Variants in SUOX observed in about 807,000 individuals in gnomAD.
The protein encoded by SUOX is sulfite oxidase.
SUOX carries 39 observed loss-of-function variants against 41.9 expected under a neutral mutation model. The observed-to-expected ratio is 0.93, with a 90% CI of 0.72 to 1.21. The LOEUF is 1.21. Ranked by LOEUF, SUOX falls within the 50% of genes most tolerant of loss-of-function variation. The probability of loss-of-function intolerance (pLI) is 0.00; values close to 1 mark genes in which losing one functional copy is unlikely to be tolerated. For missense variants in SUOX, 633 were observed against 689.5 expected, an observed-to-expected ratio of 0.92 and a Z score of 0.92; for synonymous variants, 220 against 268.4, an observed-to-expected ratio of 0.82 and a Z score of 1.76.
chr12:56,000,632 A>C (rs1890483483), intron 2 of SUOX, among the ~76,000 whole-genome samples: 1 of 152,190 alleles, frequency 6.6e-6, no homozygotes, highest in Admixed American at 6.5e-5. Flanking sequence ...AAGTGCCGCC[A>C]AAGTGGGAGC....
chr12:56,004,324 C>T lies in SUOX; in HGVS notation c.935C>T (p.Thr312Ile). The T allele has an allele frequency of 6.2e-7, 1 of 1,614,158 alleles. No individual in the cohort carries two copies. The highest frequency in any genetic ancestry group is 8.5e-7 in the Non-Finnish European group (1 of 1,180,024). Residue 312 changes from threonine (T) to isoleucine (I), a missense_variant, in exon 5 of 5, where the codon ACT becomes ATT. Transcript: ENST00000266971. This position sits in a 1 kb window ranked among gnomAD's most constrained non-coding sequence, Gnocchi z 4.5. ...LAQAGHQLCE[T>I]EAHVCFEGLD... The stretch of plus-strand genomic sequence containing the variant: ...CAGGCTGGCCACCAACTCTGTGAAA[C>T]TGAGGCCCACGTCTGCTTTGAGGGA...
intron 2 of SUOX, among the ~76,000 whole-genome samples, chr12:56,001,118 C>CT (rs1234069085): frequency 0.27 from 13,655 of 51,158 alleles, 2,847 homozygotes; most frequent in East Asian, 0.45. Flanking sequence ...GTTAATCTCT[C>CT]TTTTTTTTTT....
chr12:55,997,887 A>T (rs1261089989), intron 2 of SUOX, among the ~76,000 whole-genome samples, 164 bp downstream of exon 2: 3 of 150,470 alleles, frequency 2.0e-5, no homozygotes, highest in East Asian at 2.0e-4. Context: ...ACCCCTCCTC[A>T]CTTTGGCCCT....
chr12:56,003,328 C>A (rs1465505070), intron 4 of SUOX, among the ~76,000 whole-genome samples: 12 of 149,394 alleles, frequency 8.0e-5, no homozygotes, highest in Admixed American at 6.7e-4. Flanking sequence ...ATGGCATGAT[C>A]TCAGCTCACC....
At chr12:56,002,389 G>A in intron 3 of SUOX, 118 bp downstream of exon 3, 12 of 1,503,438 alleles carry the variant, frequency 8.0e-6, no homozygotes, top group Non-Finnish European at 1.0e-5. Flanking sequence ...GGAGGACAGA[G>A]AAAGCCAGAT....
At position 56,003,674 on chromosome 12, in the gene SUOX, C is replaced by G; in HGVS notation, c.285C>G (p.Ser95Arg). The G allele has an allele frequency of 6.2e-7, 1 of 1,613,862 alleles. No homozygotes were observed. Among genetic ancestry groups the G allele is most frequent in the Middle Eastern group, 1.7e-4 (1 of 6,060 alleles). ...AGGAGGAAGTGAGTTCCCACACCAG[C>G]CCTGAGACTGGGATCTGGGTGACTC... is the stretch of plus-strand genomic sequence containing the variant. ...YTKEEVSSHTSPETGIWVTLG... is the reference protein window; with the variant it reads ...YTKEEVSSHTRPETGIWVTLG... Residue 95 changes from serine (S) to arginine (R), a missense_variant, in exon 5 of 5, where the codon AGC becomes AGG. By Grantham distance (110) the Ser-to-Arg change is moderately radical. Coordinates refer to ENST00000266971, the MANE Select transcript of SUOX (RefSeq NM_001032386.2).
chr12:56,004,524 A>T lies in SUOX; in HGVS notation c.1135A>T (p.Lys379Ter). ...VPGVVGARHVKWLGRVSVQPE... is the reference protein window; with the variant it reads ...VPGVVGARHV Reference sequence around the variant, plus strand: ...TGGAGTGGTGGGTGCCCGCCATGTCAAATGGCTGGGCAGAGTGAGTGTGCA... The same window carrying T: ...TGGAGTGGTGGGTGCCCGCCATGTCTAATGGCTGGGCAGAGTGAGTGTGCA... The change falls in exon 5 of 5, where the codon AAA becomes TAA. Residue 379 changes from lysine (K) to a stop codon, truncating the protein, a stop_gained. Transcript: ENST00000266971. LOFTEE classifies it high-confidence loss of function. This position sits in a 1 kb window ranked among gnomAD's most constrained non-coding sequence, Gnocchi z 4.5. 1 of 1,614,148 alleles carries T rather than the reference A, an allele frequency of 6.2e-7. No homozygotes were observed. Among genetic ancestry groups the T allele is most frequent in the Non-Finnish European group, 8.5e-7 (1 of 1,180,026 alleles).
At position 56,002,692 on chromosome 12, in the gene SUOX, T is replaced by G. The variant is rs1234864997; in HGVS notation, c.200T>G (p.Val67Gly). The change falls in exon 4 of 5, where the codon GTG becomes GGG. Residue 67 changes from valine (V) to glycine (G), a missense_variant. Physicochemically the swap from Val to Gly is moderately radical, Grantham distance 109. Transcript: ENST00000266971. ...VMGTLLGLGA[V>G]LAYQDHRCRA... Reference sequence around the variant, plus strand: ...GGGACCCTATTAGGTCTCGGTGCAGTGTTGGCCTATCAGGACCATCGGTGT... The same window carrying G: ...GGGACCCTATTAGGTCTCGGTGCAGGGTTGGCCTATCAGGACCATCGGTGT... The G allele has an allele frequency of 6.2e-7, 1 of 1,614,074 alleles. No individual in the cohort carries two copies. Among genetic ancestry groups the G allele is most frequent in the Admixed American group, 1.7e-5 (1 of 59,996 alleles).
rs1890684814 is a variant in SUOX, at chr12:56,004,832, C to T, written c.1443C>T (p.Arg481=). The T allele has an allele frequency of 6.2e-7, 1 of 1,614,130 alleles. No individual in the cohort carries two copies. Among genetic ancestry groups the T allele is most frequent in the Admixed American group, 1.7e-5 (1 of 60,006 alleles). ...QVAKLDGEEQ[R]PRKAWAWRLW... Reference sequence around the variant, plus strand: ...CTAAGCTGGATGGAGAGGAACAGCGCCCCAGGAAGGCCTGGGCATGGCGTC... The same window carrying T: ...CTAAGCTGGATGGAGAGGAACAGCGTCCCAGGAAGGCCTGGGCATGGCGTC... Residue 481 remains arginine, a synonymous_variant, in exon 5 of 5, where the codon CGC becomes CGT. Coordinates refer to ENST00000266971, the MANE Select transcript of SUOX (RefSeq NM_001032386.2). The surrounding 1 kb of genome is among the most constrained non-coding windows in gnomAD (Gnocchi z 4.5).
At chr12:55,998,096 AT>A (rs1342680542) in intron 2 of SUOX, among the ~76,000 whole-genome samples, 14 of 151,896 alleles carry the variant, frequency 9.2e-5, no homozygotes, top group Non-Finnish European at 1.6e-4. Flanking sequence ...GCTGGGTTCA[AT>A]TTTTTTTAGG....
chr12:56,002,918 T>C, intron 4 of SUOX, 198 bp downstream of exon 4: 1 of 567,648 alleles, frequency 1.8e-6, no homozygotes, highest in South Asian at 2.0e-5. Flanking sequence ...TCTCAGCTAC[T>C]TGAGAGGCTG....
Position 56,003,852 on chromosome 12 carries a change from T to A in SUOX, c.463T>A (p.Tyr155Asn). 6.2e-7 allele frequency: 1 copy of A among 1,614,046 alleles called. No individual in the cohort carries two copies. The highest frequency in any genetic ancestry group is 8.5e-7 in the Non-Finnish European group (1 of 1,180,004). Reference protein sequence around the residue: ...QSHVRELLAQYKIGELNPEDK... With the variant: ...QSHVRELLAQNKIGELNPEDK... ...CCATGTGCGTGAGTTACTGGCTCAG[T>A]ACAAGATTGGGGAGCTGAATCCTGA... The change falls in exon 5 of 5, where the codon TAC becomes AAC. Residue 155 changes from tyrosine (Y) to asparagine (N), a missense_variant. Coordinates refer to ENST00000266971, the MANE Select transcript of SUOX (RefSeq NM_001032386.2).
At chr12:56,003,305 A>G (rs1040427700) in intron 4 of SUOX, among the ~76,000 whole-genome samples, 1 of 146,342 alleles carries the variant, frequency 6.8e-6, no homozygotes, top group African/African-American at 2.5e-5. Flanking sequence ...CTTGTTGCCC[A>G]GGCTGGAGTG....
rs759992645 is a variant in SUOX, at chr12:56,004,526, A to G, written c.1137A>G (p.Lys379=). 21 of 1,614,080 alleles carry G rather than the reference A, an allele frequency of 1.3e-5. No homozygotes were observed. In the South Asian group the frequency reaches 1.8e-4, roughly 14 times the overall value. Residue 379 remains lysine (K), a synonymous_variant, in exon 5 of 5, where the codon AAA becomes AAG. Coordinates refer to ENST00000266971, the MANE Select transcript of SUOX (RefSeq NM_001032386.2). This position sits in a 1 kb window ranked among gnomAD's most constrained non-coding sequence, Gnocchi z 4.5. ...VPGVVGARHV[K]WLGRVSVQPE... ...GAGTGGTGGGTGCCCGCCATGTCAA[A>G]TGGCTGGGCAGAGTGAGTGTGCAGC...
At chr12:56,001,937 G>A (rs1890545372) in intron 2 of SUOX, 2 of 1,322,158 alleles carry the variant, frequency 1.5e-6, no homozygotes, top group Non-Finnish European at 1.9e-6. Context: ...CAGAATGGAA[G>A]ATGGGAGAAA....
At position 56,004,740 on chromosome 12, in the gene SUOX, A is replaced by C; in HGVS notation, c.1351A>C (p.Ser451Arg). 6.2e-7 allele frequency: 1 copy of C among 1,613,958 alleles called. No individual in the cohort carries two copies. Among genetic ancestry groups the C allele is most frequent in the East Asian group, 2.2e-5 (1 of 44,858 alleles). ...GEVTIKGYAW[S>R]GGGRAVIRVD... ...GGTGACCATCAAGGGCTATGCATGGAGTGGTGGTGGCAGGGCTGTGATCCG... is the reference window on the plus strand; with the variant it reads ...GGTGACCATCAAGGGCTATGCATGGCGTGGTGGTGGCAGGGCTGTGATCCG... Residue 451 changes from serine (S) to arginine (R), a missense_variant, in exon 5 of 5, where the codon AGT becomes CGT. Coordinates refer to ENST00000266971, the MANE Select transcript of SUOX (RefSeq NM_001032386.2). This position sits in a 1 kb window ranked among gnomAD's most constrained non-coding sequence, Gnocchi z 4.5.
rs751200577 is a variant in SUOX at position 56,003,906 on chromosome 12, T to C, written c.517T>C (p.Ser173Pro). 1 of 1,614,064 alleles carries C rather than the reference T, an allele frequency of 6.2e-7. No individual in the cohort carries two copies. The highest frequency in any genetic ancestry group is 8.5e-7 in the Non-Finnish European group (1 of 1,180,000). ...EDKVAPTVET[S>P]DPYADDPVRH... ...CAAGGTAGCCCCCACCGTGGAGACC[T>C]CTGACCCTTATGCTGATGATCCTGT... Residue 173 changes from serine (S) to proline (P), a missense_variant, in exon 5 of 5, where the codon TCT (serine) becomes CCT (proline). Ser to Pro is a moderately conservative substitution (Grantham distance 74). Coordinates refer to ENST00000266971, the MANE Select transcript of SUOX (RefSeq NM_001032386.2).
At position 56,002,249 on chromosome 12, in the gene SUOX, C is replaced by G; in HGVS notation, c.28C>G (p.Leu10Val). The G allele has an allele frequency of 6.2e-7, 1 of 1,612,678 alleles. No homozygotes were observed. The highest frequency in any genetic ancestry group is 8.5e-7 in the Non-Finnish European group (1 of 1,180,028). ...GCTGCTGCTGCACAGAGCTGTGGTC[C>G]TCAGGCTCCAACAGGCCTGCAGGTA... MLLLHRAVV[L>V]RLQQACRLKS... Residue 10 changes from leucine (L) to valine (V), a missense_variant, in exon 3 of 5, where the codon CTC (leucine) becomes GTC (valine). Coordinates refer to ENST00000266971, the MANE Select transcript of SUOX (RefSeq NM_001032386.2).
At position 56,003,553 on chromosome 12, in the gene SUOX, G is replaced by A. The variant is rs2136510844; in HGVS notation, c.229-65G>A. The A allele has an allele frequency of 3.3e-6, 5 of 1,527,700 alleles. 1 individual carries two copies. Among genetic ancestry groups the A allele is most frequent in the Admixed American group, 3.3e-5 (2 of 59,718 alleles). 94.6% of individuals were successfully genotyped at this position (1,527,700 alleles called of 1,614,324 possible). A position where few individuals can be genotyped will look rare whatever the true frequency, so the allele number is the denominator to read the frequency against. Reference sequence around the variant, plus strand: ...TGGGATTACAGTTGTGAGTCACCACGCCCGACCAAGTGATTTCTTCTTAAT... The same window carrying A: ...TGGGATTACAGTTGTGAGTCACCACACCCGACCAAGTGATTTCTTCTTAAT... On this transcript the variant is annotated intron_variant, in intron 4 of 4. Transcript: ENST00000266971.
Sources: allele counts gnomAD v4.1 joint callset (sites outside exome capture counted in the v4.1 genomes callset), GRCh38; gene constraint gnomAD v4.1.1; non-coding constraint Gnocchi (gnomAD v3.1); transcripts MANE v1.5; gene names NCBI Gene and HGNC (gene_info 2026-07-23, HGNC 2026-07-21).